Variants in PLXNA2 observed in about 807,000 individuals in gnomAD.
PLXNA2 encodes the protein plexin A2.
A neutral mutation model predicts 193.5 loss-of-function variants in PLXNA2; 91 were observed. That is an observed-to-expected ratio of 0.47 (90% CI 0.40 to 0.56). The LOEUF (loss-of-function observed/expected upper bound fraction) is 0.56, where lower values mean the gene tolerates loss of function less well. Among genes scored for constraint, PLXNA2 ranks in the 20% least tolerant of loss-of-function variants. The pLI, the probability that PLXNA2 is intolerant of heterozygous loss-of-function variation, is 0.00. For missense variants in PLXNA2, 1,995 were observed against 2,503.2 expected (o/e 0.80, Z 4.33); for synonymous variants, 997 against 1,027.3 (o/e 0.97, Z 0.56).
At chr1:208,222,466 G>A (rs540643720) in intron 1 of PLXNA2, among the ~76,000 whole-genome samples, 15 of 152,166 alleles carry the variant, frequency 9.9e-5, no homozygotes, top group Non-Finnish European at 1.5e-4. Context: ...GCCAAGGAGA[G>A]GCCACGCTTG....
At chr1:208,213,075 T>C (rs1671014613) in intron 2 of PLXNA2, among the ~76,000 whole-genome samples, 1 of 152,146 alleles carries the variant, frequency 6.6e-6, no homozygotes, top group Non-Finnish European at 1.5e-5. Context: ...GTAGCCCAAG[T>C]CAGCTTTTGA....
intron 15 of PLXNA2, 44 bp from the exon 16 acceptor site, chr1:208,051,467 A>G (rs536310852): frequency 6.4e-7 from 1 of 1,558,616 alleles, no homozygotes; most frequent in Admixed American, 1.9e-5. Flanking sequence ...AGGCATGGGC[A>G]ACAAGAGGTG....
At chr1:208,042,964 T>C in intron 21 of PLXNA2, 97 bp downstream of exon 21, 1 of 1,280,810 alleles carries the variant, frequency 7.8e-7, no homozygotes, top group Non-Finnish European at 1.1e-6. Flanking sequence ...TCTTCCCTGC[T>C]AACCTTACTC....
intron 1 of PLXNA2, among the ~76,000 whole-genome samples, chr1:208,225,181 C>G (rs950142947): frequency 6.6e-6 from 1 of 152,184 alleles, no homozygotes; most frequent in Non-Finnish European, 1.5e-5. Flanking sequence ...TGGATACTAG[C>G]AAGAAAGCGA....
Position 208,128,540 on chromosome 1 carries a change from G to A in PLXNA2, c.1506+13789C>T, listed in dbSNP as rs1571947922. Among the ~76,000 whole-genome samples, 3 of 152,126 alleles carry A rather than the reference G, an allele frequency of 2.0e-5. No homozygotes were observed. In the East Asian group the frequency reaches 5.8e-4, roughly 29 times the overall value. ...GATACGCTAGGCCATATCAAAGAGT[G>A]ATAGAGCCAAGATTTGAATACAATT... On this transcript the variant is annotated intron_variant, in intron 4 of 31. Transcript: ENST00000367033.
At chr1:208,109,022 T>G (rs1028396431) in intron 4 of PLXNA2, among the ~76,000 whole-genome samples, 2 of 152,236 alleles carry the variant, frequency 1.3e-5, no homozygotes, top group Non-Finnish European at 2.9e-5. Context: ...CCTGGAATCT[T>G]CCCTGGAATC....
At position 208,185,607 on chromosome 1, in the gene PLXNA2, C is replaced by T. The variant is rs180831481; in HGVS notation, c.1371+24673G>A. Among the ~76,000 whole-genome samples, 187 of 150,444 alleles carry T rather than the reference C, an allele frequency of 1.2e-3. 1 individual carries two copies. The highest frequency in any genetic ancestry group is 4.1e-3 in the African/African-American group (169 of 40,872). On this transcript the variant is annotated intron_variant, in intron 3 of 31. Transcript: ENST00000367033. ...CCAGTAACCCAACCTCTTCAGCCCTCGCCAGCCCCCAACCCCCTGGCAACA... is the reference window on the plus strand; with the variant it reads ...CCAGTAACCCAACCTCTTCAGCCCTTGCCAGCCCCCAACCCCCTGGCAACA...
chr1:208,109,034 T>G (rs1021560628), intron 4 of PLXNA2, among the ~76,000 whole-genome samples: 11 of 151,388 alleles, frequency 7.3e-5, no homozygotes, highest in Non-Finnish European at 1.2e-4. Context: ...CCTGGAATCT[T>G]CCCTGGAATC....
chr1:208,217,500 C>T lies in PLXNA2; in HGVS notation c.423G>A (p.Arg141=). 1 of 1,614,218 alleles carries T rather than the reference C, an allele frequency of 6.2e-7. No individual in the cohort carries two copies. The highest frequency in any genetic ancestry group is 2.2e-5 in the East Asian group (1 of 44,880). Reference sequence around the variant, plus strand: ...CCACCAGGATGAAGAGGTCATCCAGCCGCAGCAGCTTGCAGACCCCCTGGT... The same window carrying T: ...CCACCAGGATGAAGAGGTCATCCAGTCGCAGCAGCTTGCAGACCCCCTGGT... ...SLYQGVCKLL[R]LDDLFILVEP... Residue 141 remains arginine, a synonymous_variant, in exon 2 of 32, where the codon CGG becomes CGA. Coordinates refer to ENST00000367033, the MANE Select transcript of PLXNA2 (RefSeq NM_025179.4). The surrounding 1 kb of genome is among the most constrained non-coding windows in gnomAD (Gnocchi z 4.7).
chr1:208,161,479 C>T (rs1669102480), intron 3 of PLXNA2, among the ~76,000 whole-genome samples: 1 of 152,150 alleles, frequency 6.6e-6, no homozygotes. Flanking sequence ...GCCATTAAAA[C>T]ATCTCTCAAA....
Position 208,029,050 on chromosome 1 carries a change from G to A in PLXNA2, c.5226-8C>T, listed in dbSNP as rs781720476. ...CAGAAGCGCAGAGGGAGGCTGTGGG[G>A]AAAGGCAGAGAAGACTTGAGAATGC... On this transcript the variant is annotated splice_region_variant and splice_polypyrimidine_tract_variant and intron_variant, in intron 29 of 31. Transcript: ENST00000367033. The A allele has an allele frequency of 9.9e-6, 16 of 1,613,922 alleles. No individual in the cohort carries two copies. The highest frequency in any genetic ancestry group is 1.4e-5 in the Non-Finnish European group (16 of 1,179,942).
Position 208,045,167 on chromosome 1 carries a change from T to A in PLXNA2, c.3539A>T (p.Asn1180Ile), listed in dbSNP as rs1352499915. ...CPPASGGAKL[N>I]YTVLIGETPC... ...GGTCTCTCCGATGAGCACAGTGTAG[T>A]TGAGTTTGGCCCCTCCAGAGGCAGG... Residue 1180 changes from asparagine to isoleucine, a missense_variant, in exon 19 of 32, where the codon AAC becomes ATC. Asn to Ile is a moderately radical substitution (Grantham distance 149, BLOSUM62 -3). This residue lies in a region of PLXNA2 where 1,291 missense variants were observed against 1,673.6 expected (regional missense o/e 0.77). Transcript: ENST00000367033. 9 of 1,613,962 alleles carry A rather than the reference T, an allele frequency of 5.6e-6. No individual in the cohort carries two copies. Among genetic ancestry groups the A allele is most frequent in the Non-Finnish European group, 7.6e-6 (9 of 1,180,002 alleles).
At chr1:208,192,336 G>A (rs920775842) in intron 3 of PLXNA2, among the ~76,000 whole-genome samples, 2 of 149,650 alleles carry the variant, frequency 1.3e-5, no homozygotes, top group Non-Finnish European at 3.0e-5. Context: ...GTGTGTGCAC[G>A]TGCACACATA....
chr1:208,163,149 G>C (rs1377917045), intron 3 of PLXNA2, among the ~76,000 whole-genome samples: 1 of 152,160 alleles, frequency 6.6e-6, no homozygotes, highest in Non-Finnish European at 1.5e-5. Context: ...TGGCAAAGCT[G>C]GAAGAACAGG....
intron 12 of PLXNA2, among the ~76,000 whole-genome samples, chr1:208,075,991 G>A (rs1018327743): frequency 2.0e-5 from 3 of 151,314 alleles, no homozygotes; most frequent in Non-Finnish European, 2.9e-5. Context: ...CCAGGAGGTG[G>A]AGGTTGCAGT....
At chr1:208,138,672 C>T (rs1042361364) in intron 4 of PLXNA2, among the ~76,000 whole-genome samples, 4 of 152,162 alleles carry the variant, frequency 2.6e-5, no homozygotes, top group Non-Finnish European at 5.9e-5. Flanking sequence ...ATCCCTTGAG[C>T]CCAAGAGTTC....
intron 3 of PLXNA2, among the ~76,000 whole-genome samples, chr1:208,208,944 T>G (rs1341251808): frequency 1.3e-5 from 2 of 152,184 alleles, no homozygotes; most frequent in Non-Finnish European, 2.9e-5. Context: ...GCTGAATTGC[T>G]TCTTGGTAGA....
intron 3 of PLXNA2, among the ~76,000 whole-genome samples, chr1:208,175,406 G>T (rs898785357): frequency 1.1e-4 from 17 of 152,282 alleles, no homozygotes; most frequent in African/African-American, 3.6e-4. Context: ...GTCTCTTCTT[G>T]TTCCCCCACT....
At chr1:208,146,301 G>A (rs942521898) in intron 3 of PLXNA2, among the ~76,000 whole-genome samples, 1 of 152,338 alleles carries the variant, frequency 6.6e-6, no homozygotes, top group Admixed American at 6.5e-5. Flanking sequence ...GAGCCTTAGT[G>A]TTCCTCTCTG....
Sources: allele counts gnomAD v4.1 joint callset (sites outside exome capture counted in the v4.1 genomes callset), GRCh38; gene constraint gnomAD v4.1.1; regional missense constraint gnomAD v4.1.1; non-coding constraint Gnocchi (gnomAD v3.1); transcripts MANE v1.5; gene names NCBI Gene and HGNC (gene_info 2026-07-23, HGNC 2026-07-21).